NIPBL: variants seen among roughly 807,000 people sequenced by gnomAD.
NIPBL encodes the protein NIPBL cohesin loading factor.
In NIPBL, 19 loss-of-function variants were observed where a neutral mutation model predicts 321.8. The observed-to-expected ratio is 0.06, with a 90% confidence interval of 0.04 to 0.09. The LOEUF is 0.09. Ranked by LOEUF, NIPBL falls within the 10% of genes least tolerant of loss-of-function variation. The pLI, the probability that NIPBL is intolerant of heterozygous loss-of-function variation, is 1.00. For synonymous variants in NIPBL, 1,106 were observed against 1,114.1 expected (o/e 0.99, Z 0.14); for missense variants, 2,210 against 3,327.0 (o/e 0.66, Z 8.26).
intron 1 of NIPBL, among the ~76,000 whole-genome samples, chr5:36,917,144 A>G (rs937635905): frequency 2.6e-5 from 4 of 152,114 alleles, no homozygotes; most frequent in Non-Finnish European, 5.9e-5. Flanking sequence ...CTATTTCTCC[A>G]CATCCTCTCT....
intron 29 of NIPBL, 73 bp downstream of exon 29, chr5:37,022,463 G>T: frequency 7.5e-7 from 1 of 1,333,210 alleles, no homozygotes; most frequent in African/African-American, 1.5e-5. Flanking sequence ...GTTTTAAAGT[G>T]TTAAGTTAGA....
At chr5:37,034,099 G>A (rs1048901923) in intron 32 of NIPBL, among the ~76,000 whole-genome samples, 4 of 151,852 alleles carry the variant, frequency 2.6e-5, no homozygotes, top group South Asian at 2.1e-4. Flanking sequence ...TAATTAATAG[G>A]CATTTCATGG....
At chr5:37,054,444 T>C (rs1390236337) in intron 42 of NIPBL, among the ~76,000 whole-genome samples, 4 of 152,172 alleles carry the variant, frequency 2.6e-5, no homozygotes, top group Non-Finnish European at 5.9e-5. Context: ...CCTGAAAGGA[T>C]TTTCCCTCCA....
At chr5:36,987,462 A>C (rs1346078343) in intron 10 of NIPBL, among the ~76,000 whole-genome samples, 2 of 152,318 alleles carry the variant, frequency 1.3e-5, no homozygotes, top group East Asian at 3.9e-4. Context: ...GTTGTATAGC[A>C]CTGCAGTGTA....
At position 36,986,041 on chromosome 5, in the gene NIPBL, A is replaced by C; in HGVS notation, c.2861A>C (p.Lys954Thr). The change falls in exon 10 of 47, where the codon AAA (lysine) becomes ACA (threonine). Residue 954 changes from lysine to threonine, a missense_variant. By Grantham distance (78) the Lys-to-Thr change is moderately conservative (BLOSUM62 -1). Coordinates refer to ENST00000282516, the MANE Select transcript of NIPBL (RefSeq NM_133433.4). ...TTGGGGGGCAGGTCTGGTGCGTTGA[A>C]AAATTTTGTCATTCCGAAAATCAAG... The part of the protein sequence containing the change: ...YLLGGRSGAL[K>T]NFVIPKIKRD... 6.2e-7 allele frequency: 1 copy of C among 1,613,982 alleles called. No homozygotes were observed. The highest frequency in any genetic ancestry group is 8.5e-7 in the Non-Finnish European group (1 of 1,179,924).
At chr5:36,925,486 G>A (rs984839860) in intron 1 of NIPBL, among the ~76,000 whole-genome samples, 6 of 151,730 alleles carry the variant, frequency 4.0e-5, no homozygotes, top group African/African-American at 1.5e-4. Flanking sequence ...GGTTGGTCTC[G>A]AACTCCCGAC....
At chr5:37,028,710 T>G (rs1277516984) in intron 32 of NIPBL, among the ~76,000 whole-genome samples, 1 of 152,178 alleles carries the variant, frequency 6.6e-6, no homozygotes, top group Non-Finnish European at 1.5e-5. Context: ...TCTATCTATC[T>G]GTAGCAGATG....
intron 22 of NIPBL, 122 bp from the exon 23 acceptor site, chr5:37,015,916 A>G (rs951630111): frequency 3.6e-6 from 3 of 835,296 alleles, no homozygotes; most frequent in African/African-American, 1.7e-5. Flanking sequence ...GTACATTTAT[A>G]TATTTTGTTA....
At chr5:36,917,232 C>G (rs1748533856) in intron 1 of NIPBL, among the ~76,000 whole-genome samples, 1 of 152,204 alleles carries the variant, frequency 6.6e-6, no homozygotes, top group Non-Finnish European at 1.5e-5. Flanking sequence ...TTGCATTTCT[C>G]TGATGACCAG....
chr5:36,878,121 A>ACTTTT (rs1205366465), intron 1 of NIPBL, among the ~76,000 whole-genome samples: 1 of 152,220 alleles, frequency 6.6e-6, no homozygotes, highest in Non-Finnish European at 1.5e-5. Flanking sequence ...GGGTAAAACC[A>ACTTTT]CTTTTCTTTT....
chr5:37,063,194 T>C (rs573184141), intron 45 of NIPBL, among the ~76,000 whole-genome samples: 75 of 152,300 alleles, frequency 4.9e-4, no homozygotes, highest in Non-Finnish European at 5.1e-4. Flanking sequence ...AAAAAATTTT[T>C]AAAAATCTAC....
chr5:37,034,635 C>G (rs1006611186), intron 32 of NIPBL, among the ~76,000 whole-genome samples: 4 of 152,092 alleles, frequency 2.6e-5, no homozygotes, highest in Non-Finnish European at 5.9e-5. Context: ...ATCAAGTATA[C>G]TACCTTTTTA....
At chr5:37,049,495 G>T (rs1753302924) in intron 40 of NIPBL, among the ~76,000 whole-genome samples, 194 bp downstream of exon 40, 1 of 152,030 alleles carries the variant, frequency 6.6e-6, no homozygotes. Flanking sequence ...TCATAATATT[G>T]TCTCTGTTAT....
rs745983858 is a variant in NIPBL, at chr5:36,961,546, A to G, written c.421A>G (p.Asn141Asp). The G allele has an allele frequency of 7.4e-6, 12 of 1,610,904 alleles. No homozygotes were observed. Among genetic ancestry groups the G allele is most frequent in the Non-Finnish European group, 1.0e-5 (12 of 1,177,206 alleles). The change falls in exon 5 of 47, where the codon AAT (asparagine) becomes GAT (aspartate). Residue 141 changes from asparagine to aspartate, a missense_variant. By Grantham distance (23) the Asn-to-Asp change is conservative (BLOSUM62 1). Transcript: ENST00000282516. ...NSMHSSPASS[N>D]YQQTTISHSP... The stretch of plus-strand genomic sequence containing the variant: ...CATGCACAGTAGTCCTGCATCTTCC[A>G]ATTATCAACAAACCACTATCTCACA...
At chr5:36,970,810 AATT>A in intron 6 of NIPBL, 63 bp from the exon 7 acceptor site, 2 of 1,339,948 alleles carry the variant, frequency 1.5e-6, no homozygotes, top group Non-Finnish European at 2.1e-6. Context: ...ATTTGTGAAT[AATT>A]ACTATTCTCC....
intron 10 of NIPBL, among the ~76,000 whole-genome samples, chr5:36,990,291 A>G (rs184027546): frequency 6.6e-6 from 1 of 152,300 alleles, no homozygotes; most frequent in East Asian, 1.9e-4. Context: ...ACACTACTAA[A>G]TGCTGATAAC....
chr5:36,924,171 C>T (rs1749172591), intron 1 of NIPBL, among the ~76,000 whole-genome samples: 2 of 152,068 alleles, frequency 1.3e-5, no homozygotes, highest in Admixed American at 1.3e-4. Flanking sequence ...TCCTCTTGAA[C>T]TAATATCCAA....
intron 10 of NIPBL, among the ~76,000 whole-genome samples, chr5:36,990,967 G>A (rs186888635): frequency 5.3e-4 from 80 of 151,634 alleles, no homozygotes; most frequent in African/African-American, 1.9e-3. Context: ...AATAATCTTT[G>A]ACATGCTAAA....
At chr5:36,972,495 T>A (rs921479027) in intron 8 of NIPBL, among the ~76,000 whole-genome samples, 2 of 152,172 alleles carry the variant, frequency 1.3e-5, no homozygotes, top group Non-Finnish European at 2.9e-5. Context: ...ATTAGACCTT[T>A]TATCACTCAT....
Sources: gnomAD v4.1 joint callset for allele counts (sites outside exome capture counted in the v4.1 genomes callset) on GRCh38, gnomAD v4.1.1 for gene constraint, MANE v1.5 for transcripts, NCBI Gene and HGNC (gene_info 2026-07-23, HGNC 2026-07-21) for gene names.